Variants in TEF observed in about 807,000 individuals in gnomAD.
TEF encodes the protein thyrotroph embryonic factor.
TEF carries 3 observed loss-of-function variants against 20.8 expected under a neutral mutation model. The observed-to-expected ratio is 0.14, with a 90% CI of 0.07 to 0.37. The LOEUF (loss-of-function observed/expected upper bound fraction) is 0.37. Among genes scored for constraint, TEF ranks in the 10% least tolerant of loss-of-function variants. The probability of loss-of-function intolerance (pLI) is 1.00; values close to 1 mark genes in which losing one functional copy is unlikely to be tolerated. For synonymous variants in TEF, 180 were observed against 171.1 expected (o/e 1.05, Z -0.41); for missense variants, 296 against 397.9 (o/e 0.74, Z 2.18).
intron 1 of TEF, among the ~76,000 whole-genome samples, chr22:41,384,459 C>T (rs1262849961): frequency 6.6e-6 from 1 of 152,138 alleles, no homozygotes; most frequent in East Asian, 1.9e-4. Flanking sequence ...CCACCCCTCT[C>T]CTTCCTCCCA....
intron 1 of TEF, among the ~76,000 whole-genome samples, chr22:41,375,681 G>A (rs1443149167): frequency 2.0e-5 from 3 of 146,842 alleles, no homozygotes; most frequent in South Asian, 2.1e-4. Context: ...CCGAGATTGC[G>A]CCACTGCACT....
upstream of TEF, among the ~76,000 whole-genome samples, chr22:41,378,626 G>A (rs1431620804): frequency 2.0e-5 from 3 of 152,072 alleles, no homozygotes; most frequent in East Asian, 5.8e-4. Context: ...TTACAGGCGT[G>A]AGCCACTGTG....
chr22:41,377,349 T>A (rs1269116681), upstream of TEF: 2 of 152,186 alleles, frequency 1.3e-5, no homozygotes, highest in Admixed American at 1.3e-4. Flanking sequence ...TGGGCTACTG[T>A]TCCACACCAT....
upstream of TEF, among the ~76,000 whole-genome samples, chr22:41,378,093 A>G (rs1428061952): frequency 2.0e-5 from 3 of 151,724 alleles, no homozygotes; most frequent in Non-Finnish European, 4.4e-5. Flanking sequence ...GAGACTATAT[A>G]GGTATGATTC....
chr22:41,386,213 T>G (rs1179891577), intron 1 of TEF, among the ~76,000 whole-genome samples: 1 of 152,078 alleles, frequency 6.6e-6, no homozygotes, highest in Non-Finnish European at 1.5e-5. Context: ...CCAAGGCAGG[T>G]GGATCACCTG....
At chr22:41,374,260 A>T (rs988027541) in intron 1 of TEF, among the ~76,000 whole-genome samples, 1 of 151,974 alleles carries the variant, frequency 6.6e-6, no homozygotes, top group Non-Finnish European at 1.5e-5. Flanking sequence ...ATTAAAAATT[A>T]GCTAGGCAAG....
intron 1 of TEF, among the ~76,000 whole-genome samples, chr22:41,372,065 T>C (rs1344904554): frequency 6.6e-6 from 1 of 152,146 alleles, no homozygotes; most frequent in African/African-American, 2.4e-5. Flanking sequence ...GGAGTTTGCT[T>C]TCAGGGACGA....
intron 1 of TEF, among the ~76,000 whole-genome samples, chr22:41,372,142 A>AATGGT (rs2036890219): frequency 6.6e-6 from 1 of 152,134 alleles, no homozygotes; most frequent in Non-Finnish European, 1.5e-5. Flanking sequence ...CCTCTTTCTA[A>AATGGT]ATGGTATATT....
intron 1 of TEF, 41 bp downstream of exon 1, chr22:41,382,242 C>A (rs1200260484): frequency 6.6e-4 from 246 of 372,474 alleles, no homozygotes; most frequent in Non-Finnish European, 7.9e-4. Context: ...GGGGGCGGGG[C>A]TTATACAGGG....
chr22:41,395,309 TATTTCTC>T (rs2037214301), intron 3 of TEF, among the ~76,000 whole-genome samples: 2 of 152,120 alleles, frequency 1.3e-5, no homozygotes, highest in Non-Finnish European at 2.9e-5. Flanking sequence ...CCTGGCCTGT[TATTTCTC>T]AGTGTAAAGA....
At chr22:41,376,338 G>A (rs2036941775) in intron 1 of TEF, among the ~76,000 whole-genome samples, 1 of 152,356 alleles carries the variant, frequency 6.6e-6, no homozygotes, top group East Asian at 1.9e-4. Context: ...CTGGGTTCAA[G>A]TGATTCTCCT....
At chr22:41,369,829 T>C in intron 1 of TEF, 1 of 897,026 alleles carries the variant, frequency 1.1e-6, no homozygotes, top group African/African-American at 1.8e-5. Context: ...AGGGATGCCC[T>C]CAGGTCCGCG....
At chr22:41,391,913 G>T (rs1601824458) in intron 2 of TEF, among the ~76,000 whole-genome samples, 1 of 152,158 alleles carries the variant, frequency 6.6e-6, no homozygotes. Context: ...GCACCACCAC[G>T]CCTGGCCCAT....
chr22:41,390,698 C>T (rs1010760140), intron 2 of TEF, among the ~76,000 whole-genome samples: 19 of 151,962 alleles, frequency 1.3e-4, no homozygotes, highest in African/African-American at 4.6e-4. Context: ...AGGGTTTCAC[C>T]GTGTTGGCCA....
intron 1 of TEF, among the ~76,000 whole-genome samples, chr22:41,386,824 A>C (rs1191487621): frequency 6.6e-6 from 1 of 152,062 alleles, no homozygotes; most frequent in Non-Finnish European, 1.5e-5. Context: ...TGGGTGGATC[A>C]CCTGAGCTCA....
rs1452637222 is a variant in TEF, at chr22:41,396,187, C to T, written c.*227C>T. ...CTGGTGGGGAACGCAAGAGAATCTG[C>T]GTAGATGGGTGACTCAGCCTTAGTT... is the stretch of plus-strand genomic sequence containing the variant. On this transcript the variant is annotated 3_prime_UTR_variant, in exon 4 of 4. Transcript: ENST00000266304. 1.1e-5 allele frequency: 6 copies of T among 523,000 alleles called. No individual in the cohort carries two copies. Among genetic ancestry groups the T allele is most frequent in the South Asian group, 4.7e-5 (2 of 42,268 alleles). The allele number at this position is 523,000 out of a possible 1,614,324, so 32.4% of individuals were successfully genotyped here.
chr22:41,378,724 A>T (rs1250154118), upstream of TEF, among the ~76,000 whole-genome samples: 14 of 151,790 alleles, frequency 9.2e-5, no homozygotes, highest in Non-Finnish European at 1.8e-4. Flanking sequence ...CGCCTGCCTC[A>T]GCCTCCCAAA....
At position 41,394,057 on chromosome 22, in the gene TEF, G is replaced by T. The variant is rs755671652; in HGVS notation, c.476-39G>T. ...GTGTGGCGTGGGTCTTCTCTGTCCAGTGGGCTGCTTCGGGACCACCTGTCT... is the reference window on the plus strand; with the variant it reads ...GTGTGGCGTGGGTCTTCTCTGTCCATTGGGCTGCTTCGGGACCACCTGTCT... On this transcript the variant is annotated intron_variant, in intron 2 of 3. Transcript: ENST00000266304. The T allele has an allele frequency of 8.8e-6, 14 of 1,596,516 alleles. No individual in the cohort carries two copies. The African/African-American group carries it at 1.2e-4, about 14-fold the overall frequency.
At chr22:41,382,487 C>T (rs1450723522) in intron 1 of TEF, among the ~76,000 whole-genome samples, 1 of 152,078 alleles carries the variant, frequency 6.6e-6, no homozygotes, top group African/African-American at 2.4e-5. Context: ...GGCCCCTCCC[C>T]CGGGGCCACC....
Sources: allele counts gnomAD v4.1 joint callset (sites outside exome capture counted in the v4.1 genomes callset), GRCh38; gene constraint gnomAD v4.1.1; transcripts MANE v1.5; gene names NCBI Gene and HGNC (gene_info 2026-07-23, HGNC 2026-07-21).